VPS54: variants seen among roughly 807,000 people sequenced by gnomAD.
VPS54 encodes the protein VPS54 subunit of GARP complex.
A neutral mutation model predicts 121.5 loss-of-function variants in VPS54; 45 were observed. The ratio of observed to expected loss-of-function variants is 0.37; its 90% CI spans 0.29 to 0.47. VPS54 has a LOEUF of 0.47. Among genes scored for constraint, VPS54 ranks in the 20% least tolerant of loss-of-function variants. The pLI is 0.99. For missense variants in VPS54, 1,090 were observed against 1,131.4 expected (o/e 0.96, Z 0.52); for synonymous variants, 371 against 385.8 (o/e 0.96, Z 0.45).
intron 17 of VPS54, 200 bp downstream of exon 17, chr2:63,913,982 A>G: frequency 7.8e-7 from 1 of 1,276,828 alleles, no homozygotes; most frequent in Non-Finnish European, 1.0e-6. Context: ...TGGGTGAATG[A>G]GGATCACTAA....
rs1559024097 is a variant in VPS54, at chr2:63,962,302, G to A, written c.766C>T (p.Arg256Ter). ...RKTSQAVKML[R>*]DKIAQIDKVM... is the part of the protein sequence containing the mutation. ...TTATCAATCTGTGCAATTTTATCTC[G>A]AAGCATTTTTACAGCCTGGGAAGTT... Residue 256 changes from arginine (R) to a stop codon, truncating the protein, a stop_gained, in exon 7 of 23, where the codon CGA (arginine) becomes TGA (stop). Coordinates refer to ENST00000272322, the MANE Select transcript of VPS54 (RefSeq NM_016516.3). LOFTEE classifies it high-confidence loss of function. The A allele has an allele frequency of 1.2e-6, 2 of 1,613,974 alleles. No individual in the cohort carries two copies. The highest frequency in any genetic ancestry group is 1.1e-5 in the South Asian group (1 of 91,070).
At chr2:63,917,776 A>G (rs1050994177) in intron 15 of VPS54, among the ~76,000 whole-genome samples, 2 of 152,002 alleles carry the variant, frequency 1.3e-5, no homozygotes. Flanking sequence ...AGCATCGTAG[A>G]AAAGAGAAAT....
chr2:64,002,000 G>T (rs1461836000), intron 1 of VPS54, among the ~76,000 whole-genome samples: 1 of 152,192 alleles, frequency 6.6e-6, no homozygotes, highest in Non-Finnish European at 1.5e-5. Context: ...CAGTGGCAAG[G>T]CTTGCCAGAA....
chr2:64,012,817 A>G (rs571684402), intron 1 of VPS54, among the ~76,000 whole-genome samples: 1 of 152,056 alleles, frequency 6.6e-6, no homozygotes, highest in African/African-American at 2.4e-5. Context: ...TTTTTGGTCT[A>G]CTTCCTTAGC....
chr2:63,970,277 A>C (rs1200604248), intron 4 of VPS54, among the ~76,000 whole-genome samples: 2 of 144,936 alleles, frequency 1.4e-5, no homozygotes, highest in Non-Finnish European at 3.0e-5. Flanking sequence ...ATATATAGAT[A>C]TATATAGATA....
chr2:63,988,631 C>T (rs931699630), intron 1 of VPS54, among the ~76,000 whole-genome samples: 1 of 152,078 alleles, frequency 6.6e-6, no homozygotes, highest in African/African-American at 2.4e-5. Context: ...TTATCACTTC[C>T]CCAATCAACA....
At chr2:63,948,045 G>A (rs1351093200) in intron 8 of VPS54, among the ~76,000 whole-genome samples, 1 of 152,040 alleles carries the variant, frequency 6.6e-6, no homozygotes, top group Non-Finnish European at 1.5e-5. Context: ...TGCCCAGGCT[G>A]GTCTCAAATT....
chr2:63,983,708 C>T (rs2104619633), intron 2 of VPS54, among the ~76,000 whole-genome samples, 156 bp downstream of exon 2: 1 of 152,212 alleles, frequency 6.6e-6, no homozygotes, highest in Non-Finnish European at 1.5e-5. Context: ...TCCCAAAGTG[C>T]TGGGATTACA....
At chr2:63,903,155 A>G (rs1199785280) in intron 20 of VPS54, among the ~76,000 whole-genome samples, 2 of 152,214 alleles carry the variant, frequency 1.3e-5, no homozygotes, top group Admixed American at 6.5e-5. Context: ...TCAAAAACAC[A>G]CAGAACTTAG....
At chr2:64,018,070 A>G (rs372843638) in intron 1 of VPS54, among the ~76,000 whole-genome samples, 2 of 152,218 alleles carry the variant, frequency 1.3e-5, no homozygotes, top group East Asian at 1.9e-4. Context: ...TATCGCAGTA[A>G]TATTTCTCGG....
intron 11 of VPS54, among the ~76,000 whole-genome samples, chr2:63,939,476 T>C (rs965619751): frequency 3.3e-5 from 5 of 152,210 alleles, no homozygotes; most frequent in Non-Finnish European, 7.3e-5. Flanking sequence ...GAGTAAATTA[T>C]TAACCCTGGT....
Position 63,962,047 on chromosome 2 carries a change from A to T in VPS54, c.1010+11T>A, listed in dbSNP as rs767286450. On this transcript the variant is annotated intron_variant, in intron 7 of 22. Coordinates refer to ENST00000272322, the MANE Select transcript of VPS54 (RefSeq NM_016516.3). ...TAACATTATTTCTAGTGGCTTACTT[A>T]ATGAACATACCGGAAACTGTGAATG... 3 of 1,535,384 alleles carry T rather than the reference A, an allele frequency of 2.0e-6. No homozygotes were observed. The highest frequency in any genetic ancestry group is 2.6e-6 in the Non-Finnish European group (3 of 1,137,284).
At chr2:63,919,488 T>C (rs1022649410) in intron 15 of VPS54, among the ~76,000 whole-genome samples, 1 of 152,114 alleles carries the variant, frequency 6.6e-6, no homozygotes, top group African/African-American at 2.4e-5. Flanking sequence ...CAATACGGTA[T>C]AGTAGCTAAG....
At chr2:63,954,153 T>A (rs952451427) in intron 7 of VPS54, among the ~76,000 whole-genome samples, 1 of 152,080 alleles carries the variant, frequency 6.6e-6, no homozygotes, top group African/African-American at 2.4e-5. Flanking sequence ...CCTAGACAAA[T>A]GGCAGATTAC....
rs574775148 is a variant in VPS54, at chr2:63,987,565, T to C, written c.-20-3546A>G. On this transcript the variant is annotated intron_variant, in intron 1 of 22. Transcript: ENST00000272322. Reference sequence around the variant, plus strand: ...TTGTTTTTTCTATTTCTCTGAAGAATTTAATTGGTATTTTGATAGGGAATA... The same window carrying C: ...TTGTTTTTTCTATTTCTCTGAAGAACTTAATTGGTATTTTGATAGGGAATA... Among the ~76,000 whole-genome samples, 25 of 152,336 alleles carry C rather than the reference T, an allele frequency of 1.6e-4. 1 individual carries two copies. The highest frequency in any genetic ancestry group is 4.8e-4 in the African/African-American group (20 of 41,580).
intron 15 of VPS54, among the ~76,000 whole-genome samples, chr2:63,918,941 T>C (rs1302668548): frequency 6.6e-6 from 1 of 152,070 alleles, no homozygotes; most frequent in East Asian, 1.9e-4. Context: ...TGTATCAAAC[T>C]AATGGTTACT....
At chr2:63,904,298 G>A (rs532060054) in intron 20 of VPS54, among the ~76,000 whole-genome samples, 1 of 151,856 alleles carries the variant, frequency 6.6e-6, no homozygotes, top group African/African-American at 2.4e-5. Flanking sequence ...AATTAGCTGG[G>A]CGTGGTGGCA....
At chr2:64,009,075 T>C (rs1414043469) in intron 1 of VPS54, among the ~76,000 whole-genome samples, 1 of 152,170 alleles carries the variant, frequency 6.6e-6, no homozygotes, top group African/African-American at 2.4e-5. Flanking sequence ...CATGCCTCTG[T>C]CTCTGCACCA....
chr2:63,983,636 G>GT (rs1676902398), intron 2 of VPS54, among the ~76,000 whole-genome samples: 3 of 148,986 alleles, frequency 2.0e-5, no homozygotes, highest in African/African-American at 7.4e-5. Context: ...TAGAGACAGG[G>GT]TTTCACCATG....
Sources: allele counts gnomAD v4.1 joint callset (sites outside exome capture counted in the v4.1 genomes callset), GRCh38; gene constraint gnomAD v4.1.1; transcripts MANE v1.5; gene names NCBI Gene and HGNC (gene_info 2026-07-23, HGNC 2026-07-21).